Variants in L3MBTL4 observed in about 807,000 individuals in gnomAD.
The protein encoded by L3MBTL4 is L3MBTL histone methyl-lysine binding protein 4.
A neutral mutation model predicts 84.5 loss-of-function variants in L3MBTL4; 70 were observed. The observed-to-expected ratio is 0.83, with a 90% CI of 0.68 to 1.01. The LOEUF is 1.01. L3MBTL4 is among the 50% of genes least tolerant of loss of function. The probability of loss-of-function intolerance (pLI) is 0.00; values close to 1 mark genes in which losing one functional copy is unlikely to be tolerated. For synonymous variants in L3MBTL4, 274 were observed against 259.8 expected (o/e 1.05, Z -0.52); for missense variants, 715 against 754.8 (o/e 0.95, Z 0.62).
At chr18:6,393,166 A>G (rs1165044424) in intron 1 of L3MBTL4, among the ~76,000 whole-genome samples, 1 of 152,216 alleles carries the variant, frequency 6.6e-6, no homozygotes, top group East Asian at 1.9e-4. Flanking sequence ...AACGGGCCAA[A>G]TGTAATCACA....
chr18:6,113,290 A>G (rs555371602), intron 14 of L3MBTL4, among the ~76,000 whole-genome samples: 1 of 152,304 alleles, frequency 6.6e-6, no homozygotes, highest in East Asian at 1.9e-4. Flanking sequence ...AGACTAACAC[A>G]TTCATTCATG....
At chr18:5,996,580 G>A (rs972688517) in intron 16 of L3MBTL4, among the ~76,000 whole-genome samples, 1 of 152,180 alleles carries the variant, frequency 6.6e-6, no homozygotes, top group Admixed American at 6.5e-5. Context: ...CAGTGTGCTT[G>A]CTCTCTCCAT....
At chr18:6,375,422 T>C (rs191734865) in intron 1 of L3MBTL4, among the ~76,000 whole-genome samples, 83 of 152,180 alleles carry the variant, frequency 5.5e-4, no homozygotes, top group African/African-American at 1.9e-3. Context: ...TCTCACCTCC[T>C]ACCTGGAGCC....
chr18:6,266,626 G>C (rs573543881), intron 4 of L3MBTL4, among the ~76,000 whole-genome samples: 1 of 152,230 alleles, frequency 6.6e-6, no homozygotes, highest in Admixed American at 6.5e-5. Flanking sequence ...TAAACTTTTT[G>C]TCGTTAAAAA....
At chr18:6,194,660 G>T (rs2045292480) in intron 12 of L3MBTL4, among the ~76,000 whole-genome samples, 1 of 152,170 alleles carries the variant, frequency 6.6e-6, no homozygotes, top group Non-Finnish European at 1.5e-5. Context: ...TGAACTGCAA[G>T]TCACAGTCAG....
intron 16 of L3MBTL4, among the ~76,000 whole-genome samples, chr18:5,989,449 T>C (rs1436497192): frequency 6.6e-6 from 1 of 152,248 alleles, no homozygotes; most frequent in Non-Finnish European, 1.5e-5. Flanking sequence ...TATAATTTAG[T>C]TGTGCTCTCC....
At chr18:6,239,137 C>T (rs1414962524) in intron 9 of L3MBTL4, among the ~76,000 whole-genome samples, 1 of 151,760 alleles carries the variant, frequency 6.6e-6, no homozygotes, top group East Asian at 1.9e-4. Flanking sequence ...GTCAGGAGAT[C>T]GAGACCATCC....
At chr18:6,216,960 T>C (rs1032171219) in intron 10 of L3MBTL4, among the ~76,000 whole-genome samples, 1 of 152,178 alleles carries the variant, frequency 6.6e-6, no homozygotes, top group African/African-American at 2.4e-5. Flanking sequence ...ACAGAGTATA[T>C]ATGTATTTTA....
chr18:6,299,145 T>C (rs760429749), intron 4 of L3MBTL4, among the ~76,000 whole-genome samples: 8 of 152,214 alleles, frequency 5.3e-5, no homozygotes, highest in Admixed American at 1.3e-4. Flanking sequence ...ACAAGCCTTC[T>C]CTTAGAGCTA....
chr18:5,987,789 G>T (rs4798424), intron 16 of L3MBTL4, among the ~76,000 whole-genome samples: 25,860 of 152,018 alleles, frequency 0.17, 3,382 homozygotes, highest in African/African-American at 0.35. Context: ...GAAGTGAACT[G>T]ATAAACTGGG....
chr18:6,114,150 G>T (rs1428945766), intron 14 of L3MBTL4, among the ~76,000 whole-genome samples: 1 of 152,198 alleles, frequency 6.6e-6, no homozygotes, highest in East Asian at 1.9e-4. Flanking sequence ...ATGACAGTGA[G>T]TAAAGCAGGG....
intron 5 of L3MBTL4, among the ~76,000 whole-genome samples, chr18:6,258,060 C>G (rs532899493): frequency 3.3e-5 from 5 of 152,304 alleles, no homozygotes; most frequent in African/African-American, 1.2e-4. Flanking sequence ...AGCACAGGTG[C>G]AGGAGGCTGG....
chr18:6,362,650 C>G (rs558517500), intron 1 of L3MBTL4, among the ~76,000 whole-genome samples: 29 of 152,160 alleles, frequency 1.9e-4, no homozygotes, highest in African/African-American at 6.3e-4. Context: ...TATCTGCACC[C>G]AAGTATCTCT....
At chr18:6,061,863 C>T (rs1166693604) in intron 16 of L3MBTL4, among the ~76,000 whole-genome samples, 1 of 151,910 alleles carries the variant, frequency 6.6e-6, no homozygotes, top group Non-Finnish European at 1.5e-5. Context: ...TTTCTACTAG[C>T]GCTATACCAT....
At chr18:6,225,059 G>T (rs750754085) in intron 10 of L3MBTL4, among the ~76,000 whole-genome samples, 14 of 152,160 alleles carry the variant, frequency 9.2e-5, no homozygotes, top group Non-Finnish European at 1.5e-4. Flanking sequence ...TGGAAAGTAG[G>T]GGGGAGCGTT....
intron 16 of L3MBTL4, among the ~76,000 whole-genome samples, chr18:6,038,251 CTTT>C (rs34580980): frequency 2.1e-4 from 21 of 97,844 alleles, no homozygotes; most frequent in African/African-American, 5.9e-4. Flanking sequence ...ATTTCTGGAT[CTTT>C]TTTTTTTTTT....
intron 1 of L3MBTL4, among the ~76,000 whole-genome samples, chr18:6,344,246 G>A (rs8087133): frequency 0.014 from 2,115 of 152,092 alleles, 60 homozygotes; most frequent in African/African-American, 0.048. Flanking sequence ...AAATTTAAGC[G>A]ATCATAACAC....
intron 12 of L3MBTL4, among the ~76,000 whole-genome samples, chr18:6,176,940 G>A (rs1048199752): frequency 6.6e-6 from 1 of 152,024 alleles, no homozygotes; most frequent in African/African-American, 2.4e-5. Flanking sequence ...AATTACTACC[G>A]CATACCCACT....
intron 4 of L3MBTL4, among the ~76,000 whole-genome samples, chr18:6,286,902 C>T (rs1317805165): frequency 6.6e-6 from 1 of 152,164 alleles, no homozygotes; most frequent in Non-Finnish European, 1.5e-5. Context: ...TGGTTGGGAG[C>T]TCTGTTCACA....
Sources: gnomAD v4.1 joint callset for allele counts (sites outside exome capture counted in the v4.1 genomes callset) on GRCh38, gnomAD v4.1.1 for gene constraint, MANE v1.5 for transcripts, NCBI Gene and HGNC (gene_info 2026-07-23, HGNC 2026-07-21) for gene names.